The following POT1 variants were observed in gnomAD, a reference collection of about 807,000 sequenced individuals.
The protein encoded by POT1 is protection of telomeres protein 1.
A neutral mutation model predicts 78.5 loss-of-function variants in POT1; 47 were observed. That is an observed-to-expected ratio of 0.60 (90% CI 0.47 to 0.76). The LOEUF (loss-of-function observed/expected upper bound fraction) is 0.76, where lower values mean the gene tolerates loss of function less well. Among genes scored for constraint, POT1 ranks in the 30% least tolerant of loss-of-function variants. The pLI is 0.00. For missense variants in POT1, 646 were observed against 749.9 expected (o/e 0.86, Z 1.62); for synonymous variants, 259 against 260.7 (o/e 0.99, Z 0.06).
Position 124,824,001 on chromosome 7 carries a change from A to G in POT1, c.1866T>C (p.Tyr622=). 6.2e-7 allele frequency: 1 copy of G among 1,606,268 alleles called. No homozygotes were observed. Among genetic ancestry groups the G allele is most frequent in the Non-Finnish European group, 8.5e-7 (1 of 1,173,812 alleles). The part of the protein sequence containing the change: ...VTNGTDNQIC[Y]QIFDTTVAED... ...CTGCAACTGTGGTGTCAAAAATCTG[A>G]TAGCAAATTTGATTATCTGTTCCAT... Residue 622 remains tyrosine, a synonymous_variant, in exon 19 of 19, where the codon TAT becomes TAC. Coordinates refer to ENST00000357628, the MANE Select transcript of POT1 (RefSeq NM_015450.3).
intron 3 of POT1, among the ~76,000 whole-genome samples, chr7:124,905,186 A>G (rs1441358009): frequency 6.6e-6 from 1 of 152,196 alleles, no homozygotes; most frequent in Non-Finnish European, 1.5e-5. Context: ...AATCTTAAGC[A>G]AAAAGAACAA....
At chr7:124,860,187 T>C (rs1795552710) in intron 8 of POT1, among the ~76,000 whole-genome samples, 1 of 151,862 alleles carries the variant, frequency 6.6e-6, no homozygotes, top group South Asian at 2.1e-4. Flanking sequence ...AACAGTAAAA[T>C]GTTGCTTTAT....
At position 124,906,125 on chromosome 7, in the gene POT1, C is replaced by A. The variant is rs142258540; in HGVS notation, c.-153-7751G>T. Among the ~76,000 whole-genome samples, 176 of 152,142 alleles carry A rather than the reference C, an allele frequency of 1.2e-3. 1 individual carries two copies. Among genetic ancestry groups the A allele is most frequent in the African/African-American group, 3.9e-3 (160 of 41,526 alleles). On this transcript the variant is annotated intron_variant, in intron 3 of 18. Transcript: ENST00000357628. Reference sequence around the variant, plus strand: ...ACTAGAAAACACCATTTGACCCAGCCATCCCATTACTGGGTATATAGCCAA... The same window carrying A: ...ACTAGAAAACACCATTTGACCCAGCAATCCCATTACTGGGTATATAGCCAA...
chr7:124,824,097 A>G (rs747275057), intron 18 of POT1, 23 bp from the exon 19 acceptor site: 1 of 1,472,990 alleles, frequency 6.8e-7, no homozygotes, highest in Non-Finnish European at 9.4e-7. Flanking sequence ...AAACAAAAAA[A>G]GCGATTTAAC....
intron 15 of POT1, among the ~76,000 whole-genome samples, chr7:124,833,765 C>T (rs1794826060): frequency 6.6e-6 from 1 of 152,142 alleles, no homozygotes; most frequent in Non-Finnish European, 1.5e-5. Flanking sequence ...AGCCTTATGC[C>T]TCACACATTG....
intron 6 of POT1, among the ~76,000 whole-genome samples, chr7:124,874,667 G>A (rs1383440913): frequency 6.6e-6 from 1 of 151,664 alleles, no homozygotes; most frequent in Non-Finnish European, 1.5e-5. Context: ...CCTGGGAAGT[G>A]GAGGTTGCAG....
At chr7:124,913,334 G>A (rs552450731) in intron 3 of POT1, among the ~76,000 whole-genome samples, 1 of 152,170 alleles carries the variant, frequency 6.6e-6, no homozygotes, top group South Asian at 2.1e-4. Context: ...TTATCTTTTT[G>A]TTGTTGAATT....
intron 6 of POT1, among the ~76,000 whole-genome samples, chr7:124,874,813 G>T (rs1795951627): frequency 1.3e-5 from 2 of 151,354 alleles, no homozygotes; most frequent in South Asian, 4.2e-4. Context: ...AGGAAAAAAG[G>T]AGAGAGAGAG....
At chr7:124,841,257 TA>T in intron 13 of POT1, 79 bp from the exon 14 acceptor site, 2 of 1,130,624 alleles carry the variant, frequency 1.8e-6, no homozygotes, top group South Asian at 2.9e-5. Context: ...GTTATCAAAT[TA>T]AAAAGTATCA....
intron 6 of POT1, among the ~76,000 whole-genome samples, chr7:124,887,404 T>A (rs1017802925): frequency 1.3e-5 from 2 of 152,122 alleles, no homozygotes; most frequent in Admixed American, 6.6e-5. Context: ...AATGTTCATT[T>A]ACACACAGAC....
At chr7:124,852,116 G>T (rs896615360) in intron 10 of POT1, among the ~76,000 whole-genome samples, 165 bp from the exon 11 acceptor site, 2 of 151,960 alleles carry the variant, frequency 1.3e-5, no homozygotes, top group Non-Finnish European at 2.9e-5. Flanking sequence ...TTTTCCGGGG[G>T]TTCAAATTAA....
At chr7:124,925,808 T>A (rs1207844422) in intron 2 of POT1, among the ~76,000 whole-genome samples, 4 of 151,990 alleles carry the variant, frequency 2.6e-5, no homozygotes, top group Non-Finnish European at 5.9e-5. Context: ...AGTCAAATAC[T>A]TACAGCCAAC....
At chr7:124,871,559 CAA>C (rs953877288) in intron 6 of POT1, among the ~76,000 whole-genome samples, 3 of 151,730 alleles carry the variant, frequency 2.0e-5, no homozygotes, top group Admixed American at 6.6e-5. Flanking sequence ...AACAAAAACT[CAA>C]AAGAGAAAAT....
At chr7:124,908,934 A>G (rs1796827885) in intron 3 of POT1, among the ~76,000 whole-genome samples, 1 of 151,938 alleles carries the variant, frequency 6.6e-6, no homozygotes, top group African/African-American at 2.4e-5. Flanking sequence ...CCATGTAATC[A>G]AACATCTTCA....
At chr7:124,897,251 A>G in intron 4 of POT1, 39 bp from the exon 5 acceptor site, 1 of 926,764 alleles carries the variant, frequency 1.1e-6, no homozygotes, top group Non-Finnish European at 1.6e-6. Flanking sequence ...GTATACAGAT[A>G]ACCTCCAATG....
intron 17 of POT1, among the ~76,000 whole-genome samples, chr7:124,826,009 T>C (rs1469539320): frequency 2.0e-5 from 3 of 152,168 alleles, no homozygotes; most frequent in Admixed American, 6.5e-5. Flanking sequence ...TATGTCACAC[T>C]TGATAGAAGT....
intron 9 of POT1, chr7:124,853,369 T>A (rs1221548603): frequency 2.6e-6 from 1 of 383,036 alleles, no homozygotes; most frequent in African/African-American, 2.1e-5. Context: ...TGCACACACA[T>A]ACATATACAC....
intron 6 of POT1, among the ~76,000 whole-genome samples, chr7:124,882,645 AG>A (rs149205359): frequency 0.013 from 1,922 of 152,126 alleles, 37 homozygotes; most frequent in African/African-American, 0.043. Context: ...ATAAGACTAG[AG>A]AAAAAGTCTT....
chr7:124,909,865 T>G (rs563496426), intron 3 of POT1, among the ~76,000 whole-genome samples: 1 of 152,024 alleles, frequency 6.6e-6, no homozygotes, highest in East Asian at 1.9e-4. Flanking sequence ...AATATAAAAA[T>G]CTTAAAGGAT....
Sources: gnomAD v4.1 joint callset for allele counts (sites outside exome capture counted in the v4.1 genomes callset) on GRCh38, gnomAD v4.1.1 for gene constraint, MANE v1.5 for transcripts, NCBI Gene and HGNC (gene_info 2026-07-23, HGNC 2026-07-21) for gene names.